The following CLSTN2 variants were observed in gnomAD, a reference collection of about 807,000 sequenced individuals.
The protein encoded by CLSTN2 is calsyntenin-2.
In CLSTN2, 48 loss-of-function variants were observed where a neutral mutation model predicts 101.2. That is an observed-to-expected ratio of 0.47 (90% CI 0.38 to 0.60). CLSTN2 has a LOEUF of 0.60. Among genes scored for constraint, CLSTN2 ranks in the 20% least tolerant of loss-of-function variants. CLSTN2 has a pLI of 0.00. For missense variants in CLSTN2, 1,160 were observed against 1,238.2 expected, an observed-to-expected ratio of 0.94 and a Z score of 0.95; for synonymous variants, 481 against 463.6, an observed-to-expected ratio of 1.04 and a Z score of -0.48.
chr3:140,113,281 G>A (rs960450564), intron 1 of CLSTN2, among the ~76,000 whole-genome samples: 1 of 152,154 alleles, frequency 6.6e-6, no homozygotes, highest in Non-Finnish European at 1.5e-5. Context: ...AGCAACCCAG[G>A]CTGTGCTCCC....
intron 1 of CLSTN2, among the ~76,000 whole-genome samples, chr3:140,035,788 C>G (rs2007640934): frequency 6.6e-6 from 1 of 152,204 alleles, no homozygotes; most frequent in Non-Finnish European, 1.5e-5. Flanking sequence ...TAAGTCCCTG[C>G]AAGACCTGCC....
chr3:140,362,501 A>C (rs2087739590), intron 2 of CLSTN2, among the ~76,000 whole-genome samples: 1 of 152,200 alleles, frequency 6.6e-6, no homozygotes, highest in Non-Finnish European at 1.5e-5. Flanking sequence ...AAAAGACATT[A>C]AGAGCATTAA....
Position 140,381,983 on chromosome 3 carries a change from T to C in CLSTN2, c.233-21646T>C, listed in dbSNP as rs1210347154. 2.0e-5 allele frequency among the ~76,000 whole-genome samples: 3 copies of C among 152,172 alleles called. No individual in the cohort carries two copies. The South Asian group carries it at 6.2e-4, about 32-fold the overall frequency. On this transcript the variant is annotated intron_variant, in intron 2 of 16. Coordinates refer to ENST00000458420, the MANE Select transcript of CLSTN2 (RefSeq NM_022131.3). ...TGCTACCAACTTCTCCTTCTCTATG[T>C]CCAGATTCCCTTTCTGTTCCATAAG...
intron 1 of CLSTN2, among the ~76,000 whole-genome samples, chr3:140,014,664 C>G (rs983139185): frequency 2.6e-5 from 4 of 152,242 alleles, no homozygotes; most frequent in Non-Finnish European, 4.4e-5. Flanking sequence ...ACAGTAGGGC[C>G]TGTGCCCAGC....
At chr3:140,092,901 G>A (rs990710552) in intron 1 of CLSTN2, among the ~76,000 whole-genome samples, 1 of 152,142 alleles carries the variant, frequency 6.6e-6, no homozygotes, top group Admixed American at 6.5e-5. Context: ...GGTTCTCCTC[G>A]CTAAGCATGC....
At chr3:140,100,147 C>CT (rs34115783) in intron 1 of CLSTN2, among the ~76,000 whole-genome samples, 39,192 of 145,340 alleles carry the variant, frequency 0.27, 5,396 homozygotes, top group South Asian at 0.41. Context: ...TTGCATTTCT[C>CT]TTTTTTTTTT....
intron 8 of CLSTN2, among the ~76,000 whole-genome samples, chr3:140,523,444 G>C (rs1652370012): frequency 6.6e-6 from 1 of 152,118 alleles, no homozygotes; most frequent in Non-Finnish European, 1.5e-5. Context: ...GATTCCTGAA[G>C]AGTTCTCTTT....
At chr3:140,401,808 C>T (rs928338150) in intron 2 of CLSTN2, among the ~76,000 whole-genome samples, 2 of 152,220 alleles carry the variant, frequency 1.3e-5, no homozygotes, top group Admixed American at 1.3e-4. Context: ...CTATTCAACG[C>T]TTCTAATTTA....
At chr3:140,368,203 A>G (rs545783429) in intron 2 of CLSTN2, among the ~76,000 whole-genome samples, 108 of 152,292 alleles carry the variant, frequency 7.1e-4, no homozygotes, top group African/African-American at 2.4e-3. Context: ...GCTGTATTTT[A>G]AAGGACTAGT....
chr3:140,040,123 A>C (rs1053355675), intron 1 of CLSTN2, among the ~76,000 whole-genome samples: 57 of 152,164 alleles, frequency 3.7e-4, no homozygotes, highest in African/African-American at 1.3e-3. Flanking sequence ...TTTTGAATTC[A>C]CCCAGTCTGA....
chr3:140,541,525 G>A (rs1412442511), intron 9 of CLSTN2, among the ~76,000 whole-genome samples: 1 of 152,172 alleles, frequency 6.6e-6, no homozygotes, highest in Non-Finnish European at 1.5e-5. Context: ...GTCACTAATG[G>A]TCTGTCAGAA....
intron 1 of CLSTN2, among the ~76,000 whole-genome samples, chr3:140,039,984 T>C (rs1254232535): frequency 2.0e-5 from 3 of 152,200 alleles, no homozygotes; most frequent in Non-Finnish European, 2.9e-5. Flanking sequence ...TTTTAAGAAA[T>C]CAAGGCTCTC....
chr3:140,563,818 G>A, intron 15 of CLSTN2, 143 bp from the exon 16 acceptor site: 1 of 747,852 alleles, frequency 1.3e-6, no homozygotes, highest in Non-Finnish European at 2.3e-6. Flanking sequence ...GCCCAGACAG[G>A]GTAAGGTACT....
chr3:140,094,845 C>T (rs1308333710), intron 1 of CLSTN2, among the ~76,000 whole-genome samples: 1 of 152,182 alleles, frequency 6.6e-6, no homozygotes, highest in Admixed American at 6.5e-5. Flanking sequence ...CTGTCTTCTG[C>T]TTTGTCAGAG....
intron 8 of CLSTN2, among the ~76,000 whole-genome samples, chr3:140,475,757 G>A (rs1299298953): frequency 6.6e-6 from 1 of 152,162 alleles, no homozygotes; most frequent in Non-Finnish European, 1.5e-5. Flanking sequence ...GTTTGCTTCT[G>A]TAAAATCATT....
intron 2 of CLSTN2, among the ~76,000 whole-genome samples, chr3:140,355,388 T>C (rs987220996): frequency 6.6e-6 from 1 of 152,174 alleles, no homozygotes; most frequent in Non-Finnish European, 1.5e-5. Context: ...ATCAATTTCA[T>C]AGGATTGTTG....
chr3:139,941,304 A>C (rs1411569618), intron 1 of CLSTN2, among the ~76,000 whole-genome samples: 1 of 152,066 alleles, frequency 6.6e-6, no homozygotes, highest in Non-Finnish European at 1.5e-5. Context: ...GGAAAGAAAC[A>C]AGCAGTAGGC....
intron 5 of CLSTN2, among the ~76,000 whole-genome samples, chr3:140,441,015 A>T (rs1219085006): frequency 6.6e-6 from 1 of 152,252 alleles, no homozygotes; most frequent in Non-Finnish European, 1.5e-5. Flanking sequence ...TTGAAGGTCC[A>T]GCGTCTCTGA....
chr3:140,427,736 G>A (rs1462748023), intron 5 of CLSTN2, among the ~76,000 whole-genome samples: 1 of 152,128 alleles, frequency 6.6e-6, no homozygotes, highest in East Asian at 1.9e-4. Context: ...GTGTTTCTAA[G>A]CTTTCTCTAT....
Sources: allele counts gnomAD v4.1 joint callset (sites outside exome capture counted in the v4.1 genomes callset), GRCh38; gene constraint gnomAD v4.1.1; transcripts MANE v1.5; gene names NCBI Gene and HGNC (gene_info 2026-07-23, HGNC 2026-07-21).